Variants in ARHGAP42 observed in about 807,000 individuals in gnomAD.
The protein encoded by ARHGAP42 is rho GTPase-activating protein 42.
ARHGAP42 carries 63 observed loss-of-function variants against 125.0 expected under a neutral mutation model. The observed-to-expected ratio is 0.50, with a 90% CI of 0.41 to 0.62. ARHGAP42 has a LOEUF of 0.62. Among genes scored for constraint, ARHGAP42 ranks in the 20% least tolerant of loss-of-function variants. The pLI, the probability that ARHGAP42 is intolerant of heterozygous loss-of-function variation, is 0.00. For missense variants in ARHGAP42, 766 were observed against 1,024.2 expected, an observed-to-expected ratio of 0.75 and a Z score of 3.44; for synonymous variants, 339 against 351.0, an observed-to-expected ratio of 0.97 and a Z score of 0.38.
In ARHGAP42 at chr11:100,973,211, C is replaced by G. The variant is rs1323848626; in HGVS notation, c.1587C>G (p.Val529=). ...SLHSQQNLMT[V]SNLGVIFGPT... is the part of the protein sequence containing the mutation. The stretch of plus-strand genomic sequence containing the variant: ...ACAGCCAACAAAATCTCATGACTGT[C>G]TCAAATCTTGGTGTCATATTTGGCC... The change falls in exon 18 of 24, where the codon GTC becomes GTG. Residue 529 remains valine, a synonymous_variant. Transcript: ENST00000298815. 4 of 1,550,588 alleles carry G rather than the reference C, an allele frequency of 2.6e-6. No individual in the cohort carries two copies. The East Asian group carries it at 7.3e-5, about 28-fold the overall frequency.
At chr11:100,899,161 T>A (rs184190436) in intron 4 of ARHGAP42, among the ~76,000 whole-genome samples, 2 of 152,312 alleles carry the variant, frequency 1.3e-5, no homozygotes, top group Admixed American at 6.5e-5. Context: ...TTTGAGTGAG[T>A]TTCTTAATCC....
intron 1 of ARHGAP42, among the ~76,000 whole-genome samples, chr11:100,732,427 A>G (rs1861976941): frequency 1.3e-5 from 2 of 152,190 alleles, no homozygotes; most frequent in Admixed American, 6.5e-5. Flanking sequence ...ATATGTCTCT[A>G]CCGCTGCAAA....
chr11:100,848,010 C>A (rs369354987), intron 3 of ARHGAP42, among the ~76,000 whole-genome samples: 1 of 152,226 alleles, frequency 6.6e-6, no homozygotes, highest in Admixed American at 6.5e-5. Context: ...TGTCTTTGCT[C>A]CTTTTACTCT....
chr11:100,889,143 C>G (rs1866161133), intron 4 of ARHGAP42, among the ~76,000 whole-genome samples: 1 of 152,164 alleles, frequency 6.6e-6, no homozygotes, highest in Non-Finnish European at 1.5e-5. Flanking sequence ...TAGTGAATCA[C>G]TAAAGTGATT....
At chr11:100,702,947 C>T (rs1861421577) in intron 1 of ARHGAP42, among the ~76,000 whole-genome samples, 1 of 103,670 alleles carries the variant, frequency 9.6e-6, no homozygotes, top group South Asian at 2.7e-4. Context: ...CAGGCATGAG[C>T]CACTGTAATC....
At chr11:100,810,595 A>T (rs574303783) in intron 3 of ARHGAP42, among the ~76,000 whole-genome samples, 1 of 152,342 alleles carries the variant, frequency 6.6e-6, no homozygotes, top group East Asian at 1.9e-4. Flanking sequence ...GGTGGAAAAA[A>T]AACTGTGCTA....
intron 3 of ARHGAP42, among the ~76,000 whole-genome samples, chr11:100,828,854 A>C (rs565764709): frequency 6.6e-6 from 1 of 152,132 alleles, no homozygotes; most frequent in South Asian, 2.1e-4. Context: ...TGCTCGGCCT[A>C]CCTTACCATT....
intron 3 of ARHGAP42, among the ~76,000 whole-genome samples, chr11:100,838,579 G>A (rs1287408217): frequency 3.3e-5 from 5 of 151,974 alleles, no homozygotes; most frequent in Admixed American, 3.3e-4. Flanking sequence ...GGTGGTGTGT[G>A]CCTGTGGTCC....
intron 3 of ARHGAP42, among the ~76,000 whole-genome samples, chr11:100,852,726 G>A (rs1234169485): frequency 6.6e-6 from 1 of 152,138 alleles, no homozygotes; most frequent in Non-Finnish European, 1.5e-5. Context: ...TGAACATGAG[G>A]ATATTGACAT....
chr11:100,935,993 G>T lies in ARHGAP42; in HGVS notation c.703-210G>T, dbSNP rs148462746. ...AAAAAATTAGCCAGTGTGGTGGTGT[G>T]TGCCTACAGTCCCAGCTGCTTGTGG... On this transcript the variant is annotated intron_variant, in intron 7 of 23. Coordinates refer to ENST00000298815, the MANE Select transcript of ARHGAP42 (RefSeq NM_152432.4). Among the ~76,000 whole-genome samples the T allele has an allele frequency of 1.4e-4, 22 of 152,136 alleles. 1 individual carries two copies. The East Asian group carries it at 4.3e-3, about 30-fold the overall frequency.
chr11:100,795,714 A>G (rs1863694494), intron 3 of ARHGAP42, among the ~76,000 whole-genome samples: 1 of 152,234 alleles, frequency 6.6e-6, no homozygotes, highest in African/African-American at 2.4e-5. Context: ...ATTCAAAAAT[A>G]TGATTTTATG....
At chr11:100,807,283 C>A (rs1864020193) in intron 3 of ARHGAP42, among the ~76,000 whole-genome samples, 1 of 151,972 alleles carries the variant, frequency 6.6e-6, no homozygotes, top group Admixed American at 6.6e-5. Flanking sequence ...GCAACTTCCG[C>A]CCCCCAGGTT....
At chr11:100,963,072 T>C (rs1282994858) in intron 16 of ARHGAP42, among the ~76,000 whole-genome samples, 1 of 152,148 alleles carries the variant, frequency 6.6e-6, no homozygotes, top group Non-Finnish European at 1.5e-5. Context: ...CAAATACCAG[T>C]TTCTTTTAAG....
At chr11:100,949,823 T>C (rs1188014176) in intron 11 of ARHGAP42, 94 bp from the exon 12 acceptor site, 1 of 768,340 alleles carries the variant, frequency 1.3e-6, no homozygotes, top group African/African-American at 1.8e-5. Flanking sequence ...ATCAAGACAC[T>C]CTTTTCATCT....
At chr11:100,693,738 A>G (rs957988068) in intron 1 of ARHGAP42, among the ~76,000 whole-genome samples, 1 of 152,152 alleles carries the variant, frequency 6.6e-6, no homozygotes, top group African/African-American at 2.4e-5. Flanking sequence ...TACAGTTATG[A>G]TCAAGGTACT....
intron 14 of ARHGAP42, 109 bp downstream of exon 14, chr11:100,961,098 A>G: frequency 1.5e-6 from 1 of 682,842 alleles, no homozygotes; most frequent in Admixed American, 3.7e-5. Context: ...AATAATATTT[A>G]AAGTTCATAT....
At chr11:100,769,712 CTTTTTTTTT>C (rs140626690) in intron 1 of ARHGAP42, among the ~76,000 whole-genome samples, 1 of 78,090 alleles carries the variant, frequency 1.3e-5, no homozygotes, top group East Asian at 4.8e-4. Flanking sequence ...AGCATTCCTT[CTTTTTTTTT>C]TTTTTTTTTT....
intron 1 of ARHGAP42, among the ~76,000 whole-genome samples, chr11:100,723,487 A>G (rs1385559466): frequency 6.6e-6 from 1 of 152,120 alleles, no homozygotes; most frequent in Non-Finnish European, 1.5e-5. Context: ...GATCTTAGAT[A>G]TATTTTGTTA....
chr11:100,743,034 A>G (rs949827491), intron 1 of ARHGAP42, among the ~76,000 whole-genome samples: 26 of 151,572 alleles, frequency 1.7e-4, no homozygotes, highest in Non-Finnish European at 8.8e-5. Context: ...GCTAATCTAT[A>G]TCTTTTAAGT....
Sources: gnomAD v4.1 joint callset for allele counts (sites outside exome capture counted in the v4.1 genomes callset) on GRCh38, gnomAD v4.1.1 for gene constraint, MANE v1.5 for transcripts, NCBI Gene and HGNC (gene_info 2026-07-23, HGNC 2026-07-21) for gene names.